SDCCAG8: variants seen among roughly 807,000 people sequenced by gnomAD.
SDCCAG8 encodes the protein SHH signaling and ciliogenesis regulator SDCCAG8, also known as serologically defined colon cancer antigen 8.
SDCCAG8 carries 74 observed loss-of-function variants against 101.8 expected under a neutral mutation model. That is an observed-to-expected ratio of 0.73 (90% CI 0.60 to 0.88). The LOEUF (loss-of-function observed/expected upper bound fraction) is 0.88. Among genes scored for constraint, SDCCAG8 ranks in the 40% least tolerant of loss-of-function variants. The pLI, the probability that SDCCAG8 is intolerant of heterozygous loss-of-function variation, is 0.00. For missense variants in SDCCAG8, 787 were observed against 822.6 expected (o/e 0.96, Z 0.53); for synonymous variants, 281 against 292.9 (o/e 0.96, Z 0.41).
At chr1:243,395,144 G>A (rs192262130) in intron 13 of SDCCAG8, among the ~76,000 whole-genome samples, 3 of 152,168 alleles carry the variant, frequency 2.0e-5, no homozygotes, top group East Asian at 1.9e-4. Context: ...GTTTATGTTC[G>A]TATCATACAA....
intron 9 of SDCCAG8, among the ~76,000 whole-genome samples, chr1:243,320,778 C>T (rs1429103170): frequency 6.6e-6 from 1 of 152,184 alleles, no homozygotes; most frequent in Non-Finnish European, 1.5e-5. Flanking sequence ...AAATATTTCT[C>T]AATAAATAGC....
chr1:243,486,302 C>T (rs575397009), intron 16 of SDCCAG8, among the ~76,000 whole-genome samples: 72 of 151,748 alleles, frequency 4.7e-4, no homozygotes, highest in Non-Finnish European at 9.9e-4. Context: ...TGGAATCCAT[C>T]CTCAGCTCTT....
chr1:243,484,685 C>T (rs1191365335), intron 16 of SDCCAG8, among the ~76,000 whole-genome samples: 1 of 152,196 alleles, frequency 6.6e-6, no homozygotes, highest in Non-Finnish European at 1.5e-5. Flanking sequence ...TGGCCGGGAA[C>T]CGCCCGAGAG....
At chr1:243,492,208 G>C (rs1179210108) in intron 17 of SDCCAG8, among the ~76,000 whole-genome samples, 1 of 151,324 alleles carries the variant, frequency 6.6e-6, no homozygotes, top group Non-Finnish European at 1.5e-5. Flanking sequence ...TTTTGGCCAC[G>C]AGAACCCCCA....
At chr1:243,433,359 A>G (rs76778841) in intron 16 of SDCCAG8, among the ~76,000 whole-genome samples, 1 of 151,162 alleles carries the variant, frequency 6.6e-6, no homozygotes, top group African/African-American at 2.4e-5. Flanking sequence ...CTCAAAAGAA[A>G]AAAAAAAAAA....
intron 9 of SDCCAG8, among the ~76,000 whole-genome samples, chr1:243,328,364 C>T (rs969908263): frequency 3.3e-5 from 5 of 151,940 alleles, no homozygotes; most frequent in Admixed American, 2.0e-4. Flanking sequence ...CTGCAACCTC[C>T]GCCTCCTGGG....
intron 16 of SDCCAG8, among the ~76,000 whole-genome samples, chr1:243,430,580 A>G (rs1051767957): frequency 3.3e-5 from 5 of 151,852 alleles, no homozygotes; most frequent in Admixed American, 2.0e-4. Context: ...CTGGGACCAC[A>G]GGCGCCCACC....
intron 16 of SDCCAG8, among the ~76,000 whole-genome samples, chr1:243,444,596 TGGTCTCAAACTCCTGAGCTCAGGCA>T (rs1469272492): frequency 6.6e-6 from 1 of 152,124 alleles, no homozygotes; most frequent in East Asian, 1.9e-4. Flanking sequence ...GGTCTCAGGC[TGGTCTCAAACTCCTGAGCTCAGGCA>T]GTCCGCCTGC....
intron 16 of SDCCAG8, among the ~76,000 whole-genome samples, chr1:243,462,028 G>A (rs996835556): frequency 2.0e-5 from 3 of 152,150 alleles, no homozygotes; most frequent in African/African-American, 7.2e-5. Context: ...AACATCTTTG[G>A]AATGAGATCT....
At chr1:243,438,172 G>T (rs1021111581) in intron 16 of SDCCAG8, among the ~76,000 whole-genome samples, 17 of 152,140 alleles carry the variant, frequency 1.1e-4, no homozygotes, top group Admixed American at 3.3e-4. Flanking sequence ...TGCGCATCCG[G>T]GGGGAGGAAG....
intron 16 of SDCCAG8, among the ~76,000 whole-genome samples, chr1:243,443,455 G>A (rs1480113717): frequency 6.6e-6 from 1 of 152,150 alleles, no homozygotes; most frequent in African/African-American, 2.4e-5. Flanking sequence ...AGGTTGCATA[G>A]GATGGGGGCC....
At chr1:243,442,441 A>T (rs1024119167) in intron 16 of SDCCAG8, among the ~76,000 whole-genome samples, 13 of 152,120 alleles carry the variant, frequency 8.5e-5, no homozygotes, top group Admixed American at 4.6e-4. Context: ...TGTGGCTGTG[A>T]TGCGTCTACA....
intron 16 of SDCCAG8, among the ~76,000 whole-genome samples, chr1:243,431,697 A>G (rs2081778178): frequency 6.6e-6 from 1 of 151,684 alleles, no homozygotes; most frequent in Non-Finnish European, 1.5e-5. Context: ...CAATTCACCT[A>G]TTTCTCCCTA....
intron 13 of SDCCAG8, among the ~76,000 whole-genome samples, chr1:243,408,590 T>A (rs2079951276): frequency 6.6e-6 from 1 of 152,158 alleles, no homozygotes; most frequent in Admixed American, 6.6e-5. Flanking sequence ...TAGACACTTG[T>A]TATCCTTTCA....
At chr1:243,332,660 CGGTCTGGAGGTGATTATCGCAGTCCA>C (rs2074697397) in intron 10 of SDCCAG8, among the ~76,000 whole-genome samples, 2 of 145,784 alleles carry the variant, frequency 1.4e-5, no homozygotes, top group Non-Finnish European at 3.0e-5. Context: ...ATCGCGGTCC[CGGTCTGGAGGTGATTATCGCAGTCCA>C]GGTCTGGAGG....
At chr1:243,277,490 GTTATTC>G (rs2068675601) in intron 4 of SDCCAG8, among the ~76,000 whole-genome samples, 6 of 152,170 alleles carry the variant, frequency 3.9e-5, no homozygotes, top group African/African-American at 1.4e-4. Context: ...TTAAAATCAG[GTTATTC>G]GTTTTCTTAG....
At chr1:243,499,031 C>T (rs746897720) in intron 17 of SDCCAG8, among the ~76,000 whole-genome samples, 3 of 152,228 alleles carry the variant, frequency 2.0e-5, no homozygotes, top group Non-Finnish European at 4.4e-5. Flanking sequence ...GGAGTGGAAA[C>T]ATTTCCAGTG....
At chr1:243,257,620 T>G (rs185903927) in intron 1 of SDCCAG8, among the ~76,000 whole-genome samples, 1 of 152,226 alleles carries the variant, frequency 6.6e-6, no homozygotes, top group Non-Finnish European at 1.5e-5. Flanking sequence ...AAAGTTTATC[T>G]TCTCATGACT....
intron 10 of SDCCAG8, among the ~76,000 whole-genome samples, chr1:243,335,047 G>T (rs1268946543): frequency 6.6e-6 from 1 of 152,124 alleles, no homozygotes; most frequent in Non-Finnish European, 1.5e-5. Flanking sequence ...TCAATGCCTG[G>T]CACATTCCTC....
Sources: allele counts gnomAD v4.1 joint callset (sites outside exome capture counted in the v4.1 genomes callset), GRCh38; gene constraint gnomAD v4.1.1; transcripts MANE v1.5; gene names NCBI Gene and HGNC (gene_info 2026-07-23, HGNC 2026-07-21).